The following MACROD2 variants were observed in gnomAD, a reference collection of about 807,000 sequenced individuals.
MACROD2 encodes the protein mono-ADP ribosylhydrolase 2.
Under a neutral mutation model 70.4 loss-of-function variants are expected in MACROD2, and 36 were observed. The ratio of observed to expected loss-of-function variants is 0.51; its 90% CI spans 0.39 to 0.68. The LOEUF (loss-of-function observed/expected upper bound fraction) is 0.68. MACROD2 is among the 30% of genes least tolerant of loss of function. The probability of loss-of-function intolerance (pLI) is 0.00; values close to 1 mark genes in which losing one functional copy is unlikely to be tolerated. For synonymous variants in MACROD2, 172 were observed against 178.8 expected (o/e 0.96, Z 0.30); for missense variants, 496 against 538.4 (o/e 0.92, Z 0.78).
chr20:15,024,119 A>G (rs772806754), intron 5 of MACROD2, among the ~76,000 whole-genome samples: 1 of 152,218 alleles, frequency 6.6e-6, no homozygotes, highest in Non-Finnish European at 1.5e-5. Context: ...AAATTTAATT[A>G]GATTTATCTC....
chr20:14,053,360 G>C (rs1601163952), intron 2 of MACROD2: 1 of 152,024 alleles, frequency 6.6e-6, no homozygotes, highest in East Asian at 1.9e-4. Flanking sequence ...GAATTTTGTG[G>C]GTCTTGATGG....
chr20:14,674,433 G>T (rs1252270052), intron 4 of MACROD2, among the ~76,000 whole-genome samples: 1 of 152,010 alleles, frequency 6.6e-6, no homozygotes, highest in African/African-American at 2.4e-5. Flanking sequence ...TTGCATACTT[G>T]CTGCGTGCCA....
In MACROD2 at chr20:14,534,532, CGTT is replaced by C. The variant is rs56843894; in HGVS notation, c.301+41026_301+41028del. Among the ~76,000 whole-genome samples, 718 of 152,218 alleles carry C rather than the reference CGTT, an allele frequency of 4.7e-3. 12 individuals carry two copies. Among genetic ancestry groups the C allele is most frequent in the African/African-American group, 0.016 (676 of 41,532 alleles). ...TATAATTGGGATCAATGAATAATCT[CGTT>C]GATCAAGAGTGTCTTCAAATACAGA... On this transcript the variant is annotated intron_variant, in intron 4 of 17. Coordinates refer to ENST00000684519, the MANE Select transcript of MACROD2 (RefSeq NM_001351661.2).
chr20:15,479,203 G>C (rs990700477), intron 7 of MACROD2, among the ~76,000 whole-genome samples: 10 of 150,656 alleles, frequency 6.6e-5, no homozygotes, highest in African/African-American at 2.0e-4. Context: ...CCTTCCCTTT[G>C]CTAGGTATCT....
chr20:15,303,169 A>G (rs2077663271), intron 6 of MACROD2, among the ~76,000 whole-genome samples: 1 of 152,250 alleles, frequency 6.6e-6, no homozygotes, highest in African/African-American at 2.4e-5. Flanking sequence ...TCTCTTTGAC[A>G]TCTTGCATTC....
chr20:14,758,497 G>C lies in MACROD2; in HGVS notation c.418+73538G>C, dbSNP rs538166630. Among the ~76,000 whole-genome samples the C allele has an allele frequency of 2.6e-5, 4 of 152,254 alleles. No individual in the cohort carries two copies. In the South Asian group the frequency reaches 6.2e-4, roughly 24 times the overall value. On this transcript the variant is annotated intron_variant, in intron 5 of 17. Transcript: ENST00000684519. Reference sequence around the variant, plus strand: ...AATGCTCAGTACATTTCAAAACGTGGACTGGGATTGAATATTTAGGTAAGA... The same window carrying C: ...AATGCTCAGTACATTTCAAAACGTGCACTGGGATTGAATATTTAGGTAAGA...
intron 5 of MACROD2, among the ~76,000 whole-genome samples, chr20:14,875,801 A>T (rs1255262202): frequency 6.6e-6 from 1 of 152,140 alleles, no homozygotes; most frequent in Non-Finnish European, 1.5e-5. Flanking sequence ...CCATGTTGCT[A>T]AAAAGGATAT....
intron 8 of MACROD2, among the ~76,000 whole-genome samples, chr20:15,566,403 C>T (rs566333648): frequency 5.7e-4 from 86 of 152,018 alleles, no homozygotes; most frequent in Middle Eastern, 3.4e-3. Context: ...GAGGCTGAGG[C>T]ATGAGAATAG....
At chr20:14,065,165 A>C (rs2053740984) in intron 2 of MACROD2, among the ~76,000 whole-genome samples, 1 of 151,988 alleles carries the variant, frequency 6.6e-6, no homozygotes, top group African/African-American at 2.4e-5. Flanking sequence ...AAAGCTATAG[A>C]CTTCCATTCC....
intron 4 of MACROD2, among the ~76,000 whole-genome samples, chr20:14,508,069 A>G (rs1344091042): frequency 6.6e-6 from 1 of 152,120 alleles, no homozygotes; most frequent in Non-Finnish European, 1.5e-5. Context: ...AGGCTTTCAC[A>G]TGTGCCAGGA....
intron 17 of MACROD2, among the ~76,000 whole-genome samples, chr20:16,048,309 T>C (rs1034245851): frequency 6.6e-6 from 1 of 152,010 alleles, no homozygotes; most frequent in African/African-American, 2.4e-5. Flanking sequence ...TTTTATAAAA[T>C]AACTACATTT....
chr20:15,539,131 TAAG>T (rs1313575511), intron 8 of MACROD2, among the ~76,000 whole-genome samples: 1 of 152,210 alleles, frequency 6.6e-6, no homozygotes, highest in Non-Finnish European at 1.5e-5. Flanking sequence ...AGGCAATGCT[TAAG>T]AATGTATGTA....
At chr20:15,902,737 A>C (rs1268464882) in intron 10 of MACROD2, among the ~76,000 whole-genome samples, 1 of 152,104 alleles carries the variant, frequency 6.6e-6, no homozygotes, top group Non-Finnish European at 1.5e-5. Flanking sequence ...CGGCGCCAAG[A>C]TATAAGTCAT....
intron 5 of MACROD2, among the ~76,000 whole-genome samples, chr20:15,227,724 A>G (rs983892062): frequency 6.7e-6 from 1 of 149,162 alleles, no homozygotes; most frequent in African/African-American, 2.5e-5. Context: ...GAAACAGAGC[A>G]TTTTATATTC....
chr20:14,314,534 G>A (rs1448422533), intron 3 of MACROD2, among the ~76,000 whole-genome samples: 1 of 152,194 alleles, frequency 6.6e-6, no homozygotes, highest in African/African-American at 2.4e-5. Context: ...GCCGAGGTGG[G>A]TGGATCACCT....
At chr20:15,772,213 G>A (rs1468550151) in intron 8 of MACROD2, among the ~76,000 whole-genome samples, 1 of 150,150 alleles carries the variant, frequency 6.7e-6, no homozygotes, top group Non-Finnish European at 1.5e-5. Flanking sequence ...CTAACCTTGT[G>A]TAGATCTTTC....
intron 12 of MACROD2, among the ~76,000 whole-genome samples, chr20:15,949,827 A>G (rs1425950768): frequency 6.6e-6 from 1 of 152,196 alleles, no homozygotes; most frequent in Non-Finnish European, 1.5e-5. Context: ...CTACTCTACC[A>G]GAATAATTAT....
intron 5 of MACROD2, among the ~76,000 whole-genome samples, chr20:14,705,764 A>T (rs991184294): frequency 2.6e-5 from 4 of 152,282 alleles, no homozygotes; most frequent in African/African-American, 9.6e-5. Flanking sequence ...TTTGTTTTAA[A>T]GTTATTGTCA....
intron 7 of MACROD2, among the ~76,000 whole-genome samples, chr20:15,494,736 G>GGTGTGT (rs550716316): frequency 0.02 from 2,188 of 110,168 alleles, 27 homozygotes; most frequent in Middle Eastern, 0.032. Flanking sequence ...TGCATAATGG[G>GGTGTGT]GTGTGTGTGT....
Sources: allele counts gnomAD v4.1 joint callset (sites outside exome capture counted in the v4.1 genomes callset), GRCh38; gene constraint gnomAD v4.1.1; transcripts MANE v1.5; gene names NCBI Gene and HGNC (gene_info 2026-07-23, HGNC 2026-07-21).